Variants in POGLUT2 observed in about 807,000 individuals in gnomAD.
POGLUT2 encodes the protein protein O-glucosyltransferase 2.
In POGLUT2, 47 loss-of-function variants were observed where a neutral mutation model predicts 57.6. That is an observed-to-expected ratio of 0.82 (90% CI 0.65 to 1.04). The LOEUF (loss-of-function observed/expected upper bound fraction) is 1.04. Ranked by LOEUF, POGLUT2 falls within the 50% of genes least tolerant of loss-of-function variation. The probability of loss-of-function intolerance (pLI) is 0.00; values close to 1 mark genes in which losing one functional copy is unlikely to be tolerated. For synonymous variants in POGLUT2, 200 were observed against 218.8 expected (o/e 0.91, Z 0.76); for missense variants, 565 against 614.8 (o/e 0.92, Z 0.86).
chr13:102,788,990 C>G (rs372020295), intron 7 of POGLUT2, 22 bp downstream of exon 7: 3 of 1,585,676 alleles, frequency 1.9e-6, no homozygotes, highest in African/African-American at 1.3e-5. Flanking sequence ...TGGAAATAAG[C>G]CTTCAAGGGG....
rs1486956572 is a variant in POGLUT2, at chr13:102,793,353, A to C, written c.660T>G (p.Ser220=). The change falls in exon 4 of 10, where the codon TCT becomes TCG. Residue 220 remains serine (S), a synonymous_variant. Transcript: ENST00000376004. Reference sequence around the variant, plus strand: ...AATATATACTTACCTTTCTAGTCAAAGAAAGTAGTATGGCATCCATGAAAA... The same window carrying C: ...AATATATACTTACCTTTCTAGTCAACGAAAGTAGTATGGCATCCATGAAAA... ...FRIFMDAILL[S]LTRKVKMPDV... 2 of 1,552,000 alleles carry C rather than the reference A, an allele frequency of 1.3e-6. No homozygotes were observed. Among genetic ancestry groups the C allele is most frequent in the Non-Finnish European group, 1.8e-6 (2 of 1,124,518 alleles).
chr13:102,790,629 CAT>C (rs1878128216), intron 6 of POGLUT2, among the ~76,000 whole-genome samples: 1 of 152,176 alleles, frequency 6.6e-6, no homozygotes. Context: ...TTGGAGGTGA[CAT>C]GTGCTTATCT....
rs556071784 is a variant in POGLUT2, at chr13:102,790,830, T to A, written c.1083+71A>T. On this transcript the variant is annotated intron_variant, in intron 6 of 9. Coordinates refer to ENST00000376004, the MANE Select transcript of POGLUT2 (RefSeq NM_024089.3). ...CCTCTTGAAATTTGCAGGCCTTAAT[T>A]TCCCTTCCCAAAGCACTATGTACAA... The A allele has an allele frequency of 4.7e-6, 5 of 1,054,856 alleles. No homozygotes were observed. The East Asian group carries it at 9.6e-5, about 20-fold the overall frequency. The allele number at this position is 1,054,856 out of a possible 1,614,324, so 65.3% of individuals were successfully genotyped here.
chr13:102,798,746 C>T lies in POGLUT2; in HGVS notation c.-76G>A. 1.4e-6 allele frequency: 2 copies of T among 1,384,750 alleles called. No individual in the cohort carries two copies. 85.8% of individuals were successfully genotyped at this position (1,384,750 alleles called of 1,614,324 possible). A position where few individuals can be genotyped will look rare whatever the true frequency, so the allele number is the denominator to read the frequency against. Reference sequence around the variant, plus strand: ...AGGTGGACAGAAGCAGCCGAGCCTTCGGCAGGGACCCGCCGGCCGATCGCA... The same window carrying T: ...AGGTGGACAGAAGCAGCCGAGCCTTTGGCAGGGACCCGCCGGCCGATCGCA... On this transcript the variant is annotated 5_prime_UTR_variant, in exon 1 of 10. Transcript: ENST00000376004.
chr13:102,791,467 C>G (rs1230268758), intron 4 of POGLUT2, 37 bp from the exon 5 acceptor site: 1 of 1,532,954 alleles, frequency 6.5e-7, no homozygotes. Flanking sequence ...TTCACATTTC[C>G]TGCATTGGAT....
chr13:102,793,647 A>T lies in POGLUT2; in HGVS notation c.548T>A (p.Phe183Tyr), dbSNP rs369648880. 116 of 1,614,046 alleles carry T rather than the reference A, an allele frequency of 7.2e-5. No individual in the cohort carries two copies. Among genetic ancestry groups the T allele is most frequent in the Non-Finnish European group, 9.2e-5 (108 of 1,180,050 alleles). ...GTGACATAGGCTCTGCCTCTGTCCAAATCTTTTTGGGATTTCTACTGCAAT... is the reference window on the plus strand; with the variant it reads ...GTGACATAGGCTCTGCCTCTGTCCATATCTTTTTGGGATTTCTACTGCAAT... ...EKIAVEIPKR[F>Y]GQRQSLCHYT... Residue 183 changes from phenylalanine (F) to tyrosine (Y), a missense_variant, in exon 3 of 10, where the codon TTT becomes TAT. Transcript: ENST00000376004.
chr13:102,787,475 C>T (rs1306875995), intron 8 of POGLUT2, among the ~76,000 whole-genome samples: 1 of 152,206 alleles, frequency 6.6e-6, no homozygotes, highest in Admixed American at 6.5e-5. Flanking sequence ...ACAAGAGGCC[C>T]AAACACACCT....
rs572117994 is a variant in POGLUT2 at position 102,786,151 on chromosome 13, G to A, written c.1491+81C>T. ...GAACTCAAATATTTGCTGCCTGATT[G>A]AATGACTATAGGAATAAAAGCAAGT... On this transcript the variant is annotated intron_variant, in intron 9 of 9. Transcript: ENST00000376004. 189 of 859,588 alleles carry A rather than the reference G, an allele frequency of 2.2e-4. 1 individual carries two copies. In the South Asian group the frequency reaches 2.6e-3, roughly 12 times the overall value. 53.2% of individuals were successfully genotyped at this position (859,588 alleles called of 1,614,324 possible).
At position 102,798,475 on chromosome 13, in the gene POGLUT2, G is replaced by A. The variant is rs551964124; in HGVS notation, c.182+14C>T. On this transcript the variant is annotated intron_variant, in intron 1 of 9. Transcript: ENST00000376004. ...CGCCATCCAAAATAGGTAAGGAGCC[G>A]TTTCTCGACTTACTTATTCCCTGAT... The A allele has an allele frequency of 2.0e-6, 3 of 1,535,194 alleles. No homozygotes were observed. Among genetic ancestry groups the A allele is most frequent in the East Asian group, 2.5e-5 (1 of 40,606 alleles).
intron 2 of POGLUT2, among the ~76,000 whole-genome samples, chr13:102,796,210 G>T (rs1211453633): frequency 6.7e-6 from 1 of 150,342 alleles, no homozygotes; most frequent in African/African-American, 2.5e-5. Context: ...CAGGATAATC[G>T]CTTGAACCCG....
intron 2 of POGLUT2, among the ~76,000 whole-genome samples, chr13:102,796,312 A>T (rs1021805749): frequency 1.1e-3 from 157 of 137,542 alleles, no homozygotes; most frequent in Admixed American, 2.9e-3. Flanking sequence ...AAAAAAAAAA[A>T]TAAATAAATA....
chr13:102,796,968 A>G lies in POGLUT2; in HGVS notation c.224T>C (p.Val75Ala), dbSNP rs1878422270. The G allele has an allele frequency of 6.2e-7, 1 of 1,613,576 alleles. No homozygotes were observed. The highest frequency in any genetic ancestry group is 1.7e-5 in the Admixed American group (1 of 59,988). The change falls in exon 2 of 10, where the codon GTC (valine) becomes GCC (alanine). Residue 75 changes from valine (V) to alanine (A), a missense_variant. Transcript: ENST00000376004. Reference sequence around the variant, plus strand: ...AGTGAATTGCTCCTCTGGTGCTGAGACTTTCACCTGGAAGACCTTTTCGCC... The same window carrying G: ...AGTGAATTGCTCCTCTGGTGCTGAGGCTTTCACCTGGAAGACCTTTTCGCC... ...SPGEKVFQVK[V>A]SAPEEQFTRV...
intron 6 of POGLUT2, among the ~76,000 whole-genome samples, chr13:102,790,232 C>A (rs957325104): frequency 2.6e-5 from 4 of 152,204 alleles, no homozygotes; most frequent in Non-Finnish European, 5.9e-5. Context: ...AAAATTTGGT[C>A]ATCTACAGGG....
intron 2 of POGLUT2, 51 bp from the exon 3 acceptor site, chr13:102,793,857 T>A (rs780829165): frequency 1.3e-6 from 2 of 1,483,778 alleles, no homozygotes; most frequent in Admixed American, 1.7e-5. Flanking sequence ...CACTCAGCAT[T>A]CGAAACTTGT....
At chr13:102,797,123 T>A (rs1314929177) in intron 1 of POGLUT2, 114 bp from the exon 2 acceptor site, 1 of 665,708 alleles carries the variant, frequency 1.5e-6, no homozygotes, top group Non-Finnish European at 2.6e-6. Context: ...TCCTCTAACA[T>A]ATGATTGCTT....
chr13:102,789,032 C>A lies in POGLUT2; in HGVS notation c.1273G>T (p.Ala425Ser). Residue 425 changes from alanine (A) to serine (S), a missense_variant, in exon 7 of 10, where the codon GCG becomes TCG. Ala to Ser is a moderately conservative substitution (Grantham distance 99). Transcript: ENST00000376004. ...LSDLLEKLKW[A>S]KDHDEEAKKI... The stretch of plus-strand genomic sequence containing the variant: ...CTTACCTCTTCATCGTGATCTTTCG[C>A]CCATTTAAGTTTTTCTAGCAGATCG... 1 of 1,613,970 alleles carries A rather than the reference C, an allele frequency of 6.2e-7. No individual in the cohort carries two copies. Among genetic ancestry groups the A allele is most frequent in the Non-Finnish European group, 8.5e-7 (1 of 1,179,906 alleles).
chr13:102,798,588 C>G lies in POGLUT2; in HGVS notation c.83G>C (p.Ser28Thr). 2 of 1,613,792 alleles carry G rather than the reference C, an allele frequency of 1.2e-6. No individual in the cohort carries two copies. The highest frequency in any genetic ancestry group is 1.7e-6 in the Non-Finnish European group (2 of 1,179,844). The change falls in exon 1 of 10, where the codon AGC becomes ACC. Residue 28 changes from serine to threonine, a missense_variant. By Grantham distance (58) the Ser-to-Thr change is moderately conservative. Transcript: ENST00000376004. The stretch of plus-strand genomic sequence containing the variant: ...TCCCCATATTTCGCTCTTCTCCGGG[C>G]TCAGCTGCCTTTCTCCGCCGGTCTC... ...LAETGGERQL[S>T]PEKSEIWGPG...
rs146606775 is a variant in POGLUT2, at chr13:102,796,996, G to A, written c.196C>T (p.Pro66Ser). ...TTCACCTGGAAGACCTTTTCGCCTG[G>A]AGAAGATGTGAATCTGTGATGAAAA... ...DTSGNKFTSS[P>S]GEKVFQVKVS... The change falls in exon 2 of 10, where the codon CCA becomes TCA. Residue 66 changes from proline to serine, a missense_variant. Physicochemically the swap from Pro to Ser is moderately conservative, Grantham distance 74 (BLOSUM62 -1). Coordinates refer to ENST00000376004, the MANE Select transcript of POGLUT2 (RefSeq NM_024089.3). 23 of 1,611,960 alleles carry A rather than the reference G, an allele frequency of 1.4e-5. No individual in the cohort carries two copies. The African/African-American group carries it at 3.1e-4, about 22-fold the overall frequency.
chr13:102,790,157 T>C (rs1878111235), intron 6 of POGLUT2, among the ~76,000 whole-genome samples: 1 of 152,206 alleles, frequency 6.6e-6, no homozygotes, highest in African/African-American at 2.4e-5. Flanking sequence ...ATACTGACAA[T>C]TCAACTTTAA....
Sources: allele counts gnomAD v4.1 joint callset (sites outside exome capture counted in the v4.1 genomes callset), GRCh38; gene constraint gnomAD v4.1.1; transcripts MANE v1.5; gene names NCBI Gene and HGNC (gene_info 2026-07-23, HGNC 2026-07-21).